Variants in SLC9A9 observed in about 807,000 individuals in gnomAD.
SLC9A9 encodes the protein solute carrier family 9 member A9.
SLC9A9 carries 62 observed loss-of-function variants against 77.8 expected under a neutral mutation model. That is an observed-to-expected ratio of 0.80 (90% CI 0.65 to 0.98). SLC9A9 has a LOEUF of 0.98. Among genes scored for constraint, SLC9A9 ranks in the 50% least tolerant of loss-of-function variants. The pLI is 0.00. For missense variants in SLC9A9, 775 were observed against 774.9 expected (o/e 1.00, Z 0.00); for synonymous variants, 320 against 283.5 (o/e 1.13, Z -1.29).
At chr3:143,645,995 T>C (rs901521112) in intron 6 of SLC9A9, among the ~76,000 whole-genome samples, 1 of 152,108 alleles carries the variant, frequency 6.6e-6, no homozygotes, top group Non-Finnish European at 1.5e-5. Context: ...TGCAGATAAA[T>C]GGCCCAAAAC....
intron 12 of SLC9A9, among the ~76,000 whole-genome samples, chr3:143,395,277 C>T (rs1161981479): frequency 1.3e-5 from 2 of 152,066 alleles, no homozygotes; most frequent in Non-Finnish European, 2.9e-5. Flanking sequence ...CAGAACAGAG[C>T]CCTCAGAAAT....
intron 4 of SLC9A9, among the ~76,000 whole-genome samples, chr3:143,759,417 T>G (rs78481892): frequency 5.4e-5 from 3 of 55,784 alleles, no homozygotes; most frequent in Non-Finnish European, 9.2e-5. Flanking sequence ...TTATTTTTTC[T>G]TTTTTTGCTG....
chr3:143,630,693 A>T (rs1576622498), intron 6 of SLC9A9, among the ~76,000 whole-genome samples: 1 of 152,226 alleles, frequency 6.6e-6, no homozygotes, highest in Admixed American at 6.5e-5. Context: ...CTCCCTTTTG[A>T]GTTTGATCAT....
At chr3:143,488,902 A>G (rs1038348996) in intron 11 of SLC9A9, among the ~76,000 whole-genome samples, 1 of 151,992 alleles carries the variant, frequency 6.6e-6, no homozygotes, top group Admixed American at 6.6e-5. Flanking sequence ...GCAATTAATC[A>G]TGAGAAAGAA....
At chr3:143,531,402 T>A (rs1468069751) in intron 9 of SLC9A9, among the ~76,000 whole-genome samples, 2 of 152,244 alleles carry the variant, frequency 1.3e-5, no homozygotes, top group East Asian at 3.8e-4. Context: ...CATCTTTTCA[T>A]GTCTTTGGAG....
intron 12 of SLC9A9, among the ~76,000 whole-genome samples, chr3:143,428,060 AC>A (rs1471316864): frequency 6.6e-6 from 1 of 152,234 alleles, no homozygotes; most frequent in Middle Eastern, 3.2e-3. Flanking sequence ...AGCACAGACA[AC>A]GAAACTAAAA....
Position 143,577,300 on chromosome 3 carries a change from A to T in SLC9A9, c.894+1285T>A, listed in dbSNP as rs139736256. On this transcript the variant is annotated intron_variant, in intron 7 of 15. Transcript: ENST00000316549. ...CTGGAGCCCTCTGGTCCTCCCAGGC[A>T]TGTCTTCCAGATGCCACATTGGTCC... 2.5e-4 allele frequency among the ~76,000 whole-genome samples: 38 copies of T among 152,238 alleles called. No individual in the cohort carries two copies. In the East Asian group the frequency reaches 6.2e-3, roughly 25 times the overall value.
At chr3:143,304,294 C>T (rs370697107) in intron 14 of SLC9A9, among the ~76,000 whole-genome samples, 4 of 152,302 alleles carry the variant, frequency 2.6e-5, no homozygotes, top group African/African-American at 9.6e-5. Context: ...CCATTAAAAT[C>T]CAAACTCTGG....
At chr3:143,636,790 G>A (rs545458012) in intron 6 of SLC9A9, among the ~76,000 whole-genome samples, 1 of 152,290 alleles carries the variant, frequency 6.6e-6, no homozygotes, top group Non-Finnish European at 1.5e-5. Flanking sequence ...AGGAGACAGT[G>A]AGCCTGACAA....
intron 8 of SLC9A9, among the ~76,000 whole-genome samples, chr3:143,554,346 C>G (rs2036941736): frequency 6.6e-6 from 1 of 152,214 alleles, no homozygotes; most frequent in African/African-American, 2.4e-5. Context: ...CCACTGCCTT[C>G]TCCTTTTTAG....
intron 4 of SLC9A9, among the ~76,000 whole-genome samples, chr3:143,707,945 C>G (rs995992529): frequency 3.3e-5 from 5 of 152,120 alleles, no homozygotes; most frequent in African/African-American, 1.2e-4. Flanking sequence ...CCTTCCTGGG[C>G]CTTCCTAGAA....
chr3:143,736,617 T>C (rs888656922), intron 4 of SLC9A9, among the ~76,000 whole-genome samples: 2 of 152,210 alleles, frequency 1.3e-5, no homozygotes, highest in African/African-American at 2.4e-5. Flanking sequence ...TTTTAAACAA[T>C]AGTGAGAAGA....
chr3:143,482,340 G>A (rs560011556), intron 11 of SLC9A9, among the ~76,000 whole-genome samples: 14 of 152,302 alleles, frequency 9.2e-5, no homozygotes, highest in African/African-American at 3.1e-4. Flanking sequence ...CTGTTTCATG[G>A]TTATGTGAGC....
intron 1 of SLC9A9, among the ~76,000 whole-genome samples, chr3:143,842,274 A>T (rs1255290585): frequency 1.3e-5 from 2 of 152,060 alleles, no homozygotes; most frequent in African/African-American, 4.8e-5. Context: ...CCAACTACTC[A>T]GGAGGCTGAG....
At chr3:143,791,954 A>C (rs774689088) in intron 4 of SLC9A9, among the ~76,000 whole-genome samples, 1 of 152,200 alleles carries the variant, frequency 6.6e-6, no homozygotes, top group Non-Finnish European at 1.5e-5. Flanking sequence ...TTTGGTGCTA[A>C]TATTCAACAA....
At chr3:143,634,695 C>A (rs2038484086) in intron 6 of SLC9A9, among the ~76,000 whole-genome samples, 1 of 152,162 alleles carries the variant, frequency 6.6e-6, no homozygotes, top group African/African-American at 2.4e-5. Context: ...TCCATATTTT[C>A]TGCAAGTCCT....
intron 14 of SLC9A9, among the ~76,000 whole-genome samples, chr3:143,341,998 T>A (rs138266059): frequency 6.6e-6 from 1 of 152,248 alleles, no homozygotes; most frequent in Non-Finnish European, 1.5e-5. Context: ...TGAAACTACC[T>A]CTGGATGTGG....
In SLC9A9 at chr3:143,654,340, T is replaced by C. The variant is rs139750282; in HGVS notation, c.650-1980A>G. ...AATGCCATATGAATTGACATGACAATTGGCCAGATCCCATTTTATCAGGCA... is the reference window on the plus strand; with the variant it reads ...AATGCCATATGAATTGACATGACAACTGGCCAGATCCCATTTTATCAGGCA... On this transcript the variant is annotated intron_variant, in intron 5 of 15. Coordinates refer to ENST00000316549, the MANE Select transcript of SLC9A9 (RefSeq NM_173653.4). 2.6e-5 allele frequency among the ~76,000 whole-genome samples: 4 copies of C among 152,348 alleles called. No individual in the cohort carries two copies. In the East Asian group the frequency reaches 7.7e-4, roughly 29 times the overall value.
chr3:143,794,748 C>A (rs551275542), intron 4 of SLC9A9, among the ~76,000 whole-genome samples: 39 of 152,256 alleles, frequency 2.6e-4, no homozygotes, highest in African/African-American at 9.1e-4. Context: ...TAACTCAAGG[C>A]AAGTGATCCA....
Sources: allele counts gnomAD v4.1 joint callset (sites outside exome capture counted in the v4.1 genomes callset), GRCh38; gene constraint gnomAD v4.1.1; transcripts MANE v1.5; gene names NCBI Gene and HGNC (gene_info 2026-07-23, HGNC 2026-07-21).